CHD7: variants seen among roughly 807,000 people sequenced by gnomAD.
CHD7 encodes the protein ATP-dependent chromatin remodeler CHD7.
CHD7 carries 24 observed loss-of-function variants against 307.3 expected under a neutral mutation model. The ratio of observed to expected loss-of-function variants is 0.08; its 90% CI spans 0.06 to 0.11. CHD7 has a LOEUF of 0.11. Among genes scored for constraint, CHD7 ranks in the 10% least tolerant of loss-of-function variants. The pLI is 1.00. For synonymous variants in CHD7, 1,363 were observed against 1,349.9 expected, an observed-to-expected ratio of 1.01 and a Z score of -0.21; for missense variants, 3,106 against 3,727.1, an observed-to-expected ratio of 0.83 and a Z score of 4.34.
intron 37 of CHD7, 24 bp downstream of exon 37, chr8:60,862,676 C>G: frequency 6.9e-7 from 1 of 1,451,544 alleles, no homozygotes; most frequent in Middle Eastern, 1.9e-4. Flanking sequence ...GCATTTCTAT[C>G]AAGAAAGGTA....
chr8:60,825,465 T>C (rs903444045), intron 13 of CHD7: 2 of 152,214 alleles, frequency 1.3e-5, no homozygotes, highest in African/African-American at 4.8e-5. Context: ...TGAGAGCGCT[T>C]AGAAACAGTG....
At chr8:60,752,531 A>T (rs1408457300) in intron 2 of CHD7, among the ~76,000 whole-genome samples, 1 of 152,218 alleles carries the variant, frequency 6.6e-6, no homozygotes, top group Non-Finnish European at 1.5e-5. Flanking sequence ...GTGAACAGGC[A>T]AAGAACTTTA....
At chr8:60,848,698 A>C (rs1051531392) in intron 24 of CHD7, 94 bp downstream of exon 24, 2 of 942,170 alleles carry the variant, frequency 2.1e-6, no homozygotes, top group Non-Finnish European at 3.4e-6. Context: ...TTCATAAACC[A>C]CTAGTAACCC....
intron 33 of CHD7, 54 bp from the exon 34 acceptor site, chr8:60,856,391 T>C (rs1586452481): frequency 5.3e-6 from 8 of 1,497,046 alleles, no homozygotes; most frequent in East Asian, 4.7e-5. Flanking sequence ...CCAGCCCATA[T>C]AGCAGTACTG....
chr8:60,815,985 T>G (rs1371191950), intron 7 of CHD7, among the ~76,000 whole-genome samples: 1 of 152,222 alleles, frequency 6.6e-6, no homozygotes, highest in Middle Eastern at 3.2e-3. Context: ...GTTCAAAGTA[T>G]AAATTCAGAA....
At chr8:60,680,274 G>A (rs372031096) in intron 1 of CHD7, among the ~76,000 whole-genome samples, 3 of 150,524 alleles carry the variant, frequency 2.0e-5, no homozygotes, top group Non-Finnish European at 4.4e-5. Flanking sequence ...GGTGGGGGAC[G>A]CGTTGTTTGT....
chr8:60,862,829 G>C, intron 37 of CHD7, 177 bp downstream of exon 37: 1 of 496,508 alleles, frequency 2.0e-6, no homozygotes, highest in South Asian at 2.4e-5. Flanking sequence ...TTAATCCAAA[G>C]TGAATTCATT....
At chr8:60,688,200 A>T (rs1228374363) in intron 1 of CHD7, among the ~76,000 whole-genome samples, 1 of 152,190 alleles carries the variant, frequency 6.6e-6, no homozygotes, top group Non-Finnish European at 1.5e-5. Context: ...GCGGCTGAGA[A>T]TTTGAGTTTT....
At chr8:60,844,143 A>G (rs980034277) in intron 21 of CHD7, among the ~76,000 whole-genome samples, 10 of 152,186 alleles carry the variant, frequency 6.6e-5, no homozygotes, top group African/African-American at 9.7e-5. Flanking sequence ...GTCTTACTCC[A>G]TAGCTCCCAG....
At chr8:60,777,141 T>C (rs1420185359) in intron 2 of CHD7, among the ~76,000 whole-genome samples, 1 of 152,220 alleles carries the variant, frequency 6.6e-6, no homozygotes, top group Admixed American at 6.5e-5. Flanking sequence ...ATAAGTACCA[T>C]GTTATTCTGG....
intron 1 of CHD7, among the ~76,000 whole-genome samples, chr8:60,689,050 A>G (rs1299425971): frequency 6.6e-6 from 1 of 152,210 alleles, no homozygotes; most frequent in Admixed American, 6.5e-5. Context: ...GCTCTGGGGT[A>G]GCCTACTTAG....
chr8:60,817,769 G>A (rs1037659306), intron 8 of CHD7, among the ~76,000 whole-genome samples: 1 of 152,186 alleles, frequency 6.6e-6, no homozygotes, highest in African/African-American at 2.4e-5. Flanking sequence ...CCTTCTTAAT[G>A]AAACCAGAGT....
rs765943226 is a variant in CHD7, at chr8:60,855,994, G to A, written c.6956G>A (p.Arg2319His). 4 of 1,608,154 alleles carry A rather than the reference G, an allele frequency of 2.5e-6. No homozygotes were observed. The highest frequency in any genetic ancestry group is 2.2e-5 in the East Asian group (1 of 44,778). ...FWPKDRVMIN[R>H]LDNICEAVLK... ...CTCCAGGATAGAGTAATGATAAACC[G>A]CTTAGACAACATCTGTGAAGCAGTG... Residue 2319 changes from arginine to histidine, a missense_variant, in exon 33 of 38, where the codon CGC becomes CAC. Coordinates refer to ENST00000423902, the MANE Select transcript of CHD7 (RefSeq NM_017780.4).
At chr8:60,778,316 CAT>C (rs1057376403) in intron 2 of CHD7, among the ~76,000 whole-genome samples, 43 of 152,318 alleles carry the variant, frequency 2.8e-4, no homozygotes, top group African/African-American at 1.0e-3. Flanking sequence ...AGTACCAAAA[CAT>C]AATTCTGCTG....
intron 37 of CHD7, chr8:60,862,975 C>T (rs1341644141): frequency 4.3e-6 from 1 of 232,514 alleles, no homozygotes. Flanking sequence ...TGGTTGAGAT[C>T]ATTAAGATTA....
At chr8:60,771,040 C>G (rs1371953308) in intron 2 of CHD7, among the ~76,000 whole-genome samples, 3 of 152,150 alleles carry the variant, frequency 2.0e-5, no homozygotes, top group Non-Finnish European at 4.4e-5. Context: ...CTTCATTTCC[C>G]CATCTGTAAA....
At chr8:60,854,121 A>G (rs1386905337) in intron 31 of CHD7, among the ~76,000 whole-genome samples, 2 of 152,214 alleles carry the variant, frequency 1.3e-5, no homozygotes, top group African/African-American at 4.8e-5. Flanking sequence ...GCACGGTGCT[A>G]GGTGGCTAGT....
Position 60,862,556 on chromosome 8 carries a change from A to T in CHD7, c.7980A>T (p.Gly2660=). 1 of 1,570,792 alleles carries T rather than the reference A, an allele frequency of 6.4e-7. No homozygotes were observed. The highest frequency in any genetic ancestry group is 8.6e-7 in the Non-Finnish European group (1 of 1,156,904). The change falls in exon 37 of 38, where the codon GGA becomes GGT. Residue 2660 remains glycine, a synonymous_variant. Coordinates refer to ENST00000423902, the MANE Select transcript of CHD7 (RefSeq NM_017780.4). ...VNKRNGKKMG[G]AMAPPMKDLP... ...CAAATGCCTCTACCCAGATGGGTGG[A>T]GCTATGGCGCCTCCAATGAAGGATC...
In CHD7 at chr8:60,865,621, C is replaced by T. The variant is rs780047697; in HGVS notation, c.8682C>T (p.Leu2894=). 2 of 1,613,514 alleles carry T rather than the reference C, an allele frequency of 1.2e-6. No individual in the cohort carries two copies. The highest frequency in any genetic ancestry group is 1.7e-6 in the Non-Finnish European group (2 of 1,179,464). The change falls in exon 38 of 38, where the codon CTC becomes CTT. Residue 2894 remains leucine, a synonymous_variant. Transcript: ENST00000423902. The surrounding 1 kb of genome is among the most constrained non-coding windows in gnomAD (Gnocchi z 4.3). ...PSNPLAFNPF[L]LSTMAPGLFY... ...ACCCGCTAGCCTTCAACCCTTTCCTCCTGTCCACAATGGCCCCGGGCCTCT... is the reference window on the plus strand; with the variant it reads ...ACCCGCTAGCCTTCAACCCTTTCCTTCTGTCCACAATGGCCCCGGGCCTCT...
Sources: gnomAD v4.1 joint callset for allele counts (sites outside exome capture counted in the v4.1 genomes callset) on GRCh38, gnomAD v4.1.1 for gene constraint, Gnocchi (gnomAD v3.1) non-coding constraint, MANE v1.5 for transcripts, NCBI Gene and HGNC (gene_info 2026-07-23, HGNC 2026-07-21) for gene names.